Variants in HGS observed in about 807,000 individuals in gnomAD.
HGS encodes human growth factor-regulated tyrosine kinase substrate.
A neutral mutation model predicts 109.7 loss-of-function variants in HGS; 63 were observed. The observed-to-expected ratio is 0.57, with a 90% CI of 0.47 to 0.71. The LOEUF (loss-of-function observed/expected upper bound fraction) is 0.71. HGS is among the 30% of genes least tolerant of loss of function. HGS has a pLI of 0.00. For missense variants in HGS, 995 were observed against 1,068.3 expected, an observed-to-expected ratio of 0.93 and a Z score of 0.96; for synonymous variants, 546 against 437.3, an observed-to-expected ratio of 1.25 and a Z score of -3.10.
At chr17:81,696,169 TGCC>T in intron 15 of HGS, 170 bp downstream of exon 15, 1 of 555,532 alleles carries the variant, frequency 1.8e-6, no homozygotes, top group East Asian at 3.8e-5. Context: ...GACCATGCCC[TGCC>T]CTGCCCTGCC....
At chr17:81,690,128 G>C in intron 5 of HGS, 54 bp from the exon 6 acceptor site, 2 of 1,578,912 alleles carry the variant, frequency 1.3e-6, no homozygotes, top group Non-Finnish European at 1.7e-6. Context: ...GGGGCTCCCG[G>C]AAGTCTTGCA....
rs1456194514 is a variant in HGS at position 81,693,450 on chromosome 17, G to C, written c.663-53G>C. The C allele has an allele frequency of 3.6e-6, 5 of 1,370,806 alleles. No homozygotes were observed. The Admixed American group carries it at 6.8e-5, about 19-fold the overall frequency. 84.9% of individuals were successfully genotyped at this position (1,370,806 alleles called of 1,614,324 possible). On this transcript the variant is annotated intron_variant, in intron 8 of 21. Coordinates refer to ENST00000329138, the MANE Select transcript of HGS (RefSeq NM_004712.5). ...AGAGGTGTGGTTGAGAGCTTTGGCG[G>C]GGGCAGGGCGGTGTCAGCGCATGGT...
intron 15 of HGS, 32 bp from the exon 16 acceptor site, chr17:81,696,325 G>C (rs749664826): frequency 3.3e-6 from 5 of 1,517,996 alleles, no homozygotes; most frequent in African/African-American, 1.4e-5. Context: ...CTGTGCCGGA[G>C]TGGTCAGGGT....
intron 5 of HGS, among the ~76,000 whole-genome samples, chr17:81,689,131 C>G (rs2037027077): frequency 6.6e-6 from 1 of 152,186 alleles, no homozygotes; most frequent in South Asian, 2.1e-4. Flanking sequence ...TTGGGCTGTG[C>G]AGTCAGGGAA....
At chr17:81,686,980 C>T (rs200599031) in intron 3 of HGS, 23 bp from the exon 4 acceptor site, 4 of 1,603,214 alleles carry the variant, frequency 2.5e-6, no homozygotes, top group Non-Finnish European at 1.7e-6. Context: ...TGGCCCAACC[C>T]TTCCCTTCCT....
Position 81,684,152 on chromosome 17 carries a change from C to G in HGS, c.37+49C>G, listed in dbSNP as rs539712600. The G allele has an allele frequency of 5.6e-5, 81 of 1,447,448 alleles. No homozygotes were observed. The African/African-American group carries it at 1.1e-3, about 20-fold the overall frequency. 89.7% of individuals were successfully genotyped at this position (1,447,448 alleles called of 1,614,324 possible). ...TCGGCCTTGGTCAGCCCGCAGCCTC[C>G]GCCCGGCGCTGAGTCAGCGCGGCCC... On this transcript the variant is annotated intron_variant, in intron 1 of 21. Coordinates refer to ENST00000329138, the MANE Select transcript of HGS (RefSeq NM_004712.5).
Position 81,691,440 on chromosome 17 carries a change from C to A in HGS, c.538-7C>A. 6.2e-7 allele frequency: 1 copy of A among 1,613,894 alleles called. No homozygotes were observed. The highest frequency in any genetic ancestry group is 8.5e-7 in the Non-Finnish European group (1 of 1,179,950). On this transcript the variant is annotated splice_region_variant and splice_polypyrimidine_tract_variant and intron_variant, in intron 7 of 21. Transcript: ENST00000329138. The surrounding 1 kb of genome is among the most constrained non-coding windows in gnomAD (Gnocchi z 5.3). ...CTGTGACCAGGCCCGCCCGCCCCATCTTACAGCACCACTGCCGGGCGTGTG... is the reference window on the plus strand; with the variant it reads ...CTGTGACCAGGCCCGCCCGCCCCATATTACAGCACCACTGCCGGGCGTGTG...
At chr17:81,690,299 T>C (rs991739915) in intron 6 of HGS, 65 bp downstream of exon 6, 56 of 1,530,588 alleles carry the variant, frequency 3.7e-5, no homozygotes, top group Non-Finnish European at 4.8e-5. Flanking sequence ...AGGGGAGTGC[T>C]GGGAGCCCGG....
chr17:81,696,008 C>T lies in HGS; in HGVS notation c.1393+9C>T, dbSNP rs1406032208. 1 of 1,540,668 alleles carries T rather than the reference C, an allele frequency of 6.5e-7. No homozygotes were observed. The highest frequency in any genetic ancestry group is 8.8e-7 in the Non-Finnish European group (1 of 1,142,052). On this transcript the variant is annotated intron_variant, in intron 15 of 21. Transcript: ENST00000329138. ...GCTGGACGAGCGCAGGCGTAGGTGCCCGCGCCACGGGGCCTCGGCTCAGGG... is the reference window on the plus strand; with the variant it reads ...GCTGGACGAGCGCAGGCGTAGGTGCTCGCGCCACGGGGCCTCGGCTCAGGG...
rs545767125 is a variant in HGS at position 81,694,762 on chromosome 17, C to T, written c.937-53C>T. 5.6e-6 allele frequency: 9 copies of T among 1,611,764 alleles called. No homozygotes were observed. In the South Asian group the frequency reaches 6.6e-5, roughly 12 times the overall value. ...CGCACTGGGGACATCCCTGTCCCTGCCGAAGCAACTGGCTCTGTCACCTGT... is the reference window on the plus strand; with the variant it reads ...CGCACTGGGGACATCCCTGTCCCTGTCGAAGCAACTGGCTCTGTCACCTGT... On this transcript the variant is annotated intron_variant, in intron 11 of 21. Coordinates refer to ENST00000329138, the MANE Select transcript of HGS (RefSeq NM_004712.5).
chr17:81,699,120 A>C (rs921667916), intron 18 of HGS, among the ~76,000 whole-genome samples: 1 of 152,252 alleles, frequency 6.6e-6, no homozygotes, highest in Non-Finnish European at 1.5e-5. Flanking sequence ...TTTTAATCCA[A>C]TAGCACAGTT....
At chr17:81,686,262 G>C (rs2036977502) in intron 2 of HGS, 50 bp from the exon 3 acceptor site, 2 of 1,487,374 alleles carry the variant, frequency 1.3e-6, no homozygotes, top group South Asian at 1.1e-5. Context: ...TAGTTGCTGA[G>C]ACTATTTTTT....
chr17:81,687,162 G>A, intron 4 of HGS, 67 bp downstream of exon 4: 1 of 1,052,618 alleles, frequency 9.5e-7, no homozygotes, highest in Non-Finnish European at 1.5e-6. Flanking sequence ...GGTGTTTACT[G>A]GGCACTGATG....
At chr17:81,701,392 G>C in intron 21 of HGS, 116 bp from the exon 22 acceptor site, 1 of 1,161,988 alleles carries the variant, frequency 8.6e-7, no homozygotes, top group Middle Eastern at 2.8e-4. Flanking sequence ...ATGAGCTGCA[G>C]TCCGTGGACA....
intron 1 of HGS, chr17:81,684,865 A>G: frequency 1.0e-6 from 1 of 981,024 alleles, no homozygotes; most frequent in African/African-American, 1.7e-5. Flanking sequence ...GGAACCAGCA[A>G]GCAGACTGAG....
At chr17:81,697,129 T>C in intron 18 of HGS, 131 bp downstream of exon 18, 1 of 1,022,394 alleles carries the variant, frequency 9.8e-7, no homozygotes, top group East Asian at 2.7e-5. Context: ...GTCCCTGCTT[T>C]TTCCTGTTTC....
intron 18 of HGS, among the ~76,000 whole-genome samples, chr17:81,699,054 G>A (rs1277595705): frequency 1.3e-5 from 2 of 149,008 alleles, no homozygotes; most frequent in African/African-American, 4.9e-5. Flanking sequence ...GTGACAGAGC[G>A]AGACTCCGTC....
chr17:81,686,398 C>A lies in HGS; in HGVS notation c.198+11C>A, dbSNP rs757357901. On this transcript the variant is annotated intron_variant, in intron 3 of 21. Coordinates refer to ENST00000329138, the MANE Select transcript of HGS (RefSeq NM_004712.5). Reference sequence around the variant, plus strand: ...TTGTATGCCCTGGAGGTAAGCAGACCCCCGTGCCTCAGTGGCCCCCAGGGT... The same window carrying A: ...TTGTATGCCCTGGAGGTAAGCAGACACCCGTGCCTCAGTGGCCCCCAGGGT... 6.2e-7 allele frequency: 1 copy of A among 1,610,952 alleles called. No homozygotes were observed. Among genetic ancestry groups the A allele is most frequent in the Non-Finnish European group, 8.5e-7 (1 of 1,177,716 alleles).
intron 18 of HGS, among the ~76,000 whole-genome samples, chr17:81,699,029 T>C (rs2037194168): frequency 6.6e-6 from 1 of 151,222 alleles, no homozygotes; most frequent in Admixed American, 6.6e-5. Flanking sequence ...ATCATGCCAT[T>C]GCCCTCCAGC....
Sources: gnomAD v4.1 joint callset for allele counts (sites outside exome capture counted in the v4.1 genomes callset) on GRCh38, gnomAD v4.1.1 for gene constraint, Gnocchi (gnomAD v3.1) non-coding constraint, MANE v1.5 for transcripts, NCBI Gene and HGNC (gene_info 2026-07-23, HGNC 2026-07-21) for gene names.